The following PDZD2 variants were observed in gnomAD, a reference collection of about 807,000 sequenced individuals.
The protein encoded by PDZD2 is PDZ domain-containing protein 2.
Under a neutral mutation model 220.7 loss-of-function variants are expected in PDZD2, and 90 were observed. The observed-to-expected ratio is 0.41, with a 90% confidence interval of 0.34 to 0.49. The LOEUF is 0.49. Ranked by LOEUF, PDZD2 falls within the 20% of genes least tolerant of loss-of-function variation. The pLI, the probability that PDZD2 is intolerant of heterozygous loss-of-function variation, is 0.28. For missense variants in PDZD2, 3,174 were observed against 3,608.5 expected, an observed-to-expected ratio of 0.88 and a Z score of 3.08; for synonymous variants, 1,375 against 1,450.5, an observed-to-expected ratio of 0.95 and a Z score of 1.18.
chr5:31,919,198 A>G (rs988585896), intron 2 of PDZD2, among the ~76,000 whole-genome samples: 3 of 152,340 alleles, frequency 2.0e-5, no homozygotes, highest in South Asian at 4.1e-4. Flanking sequence ...GATGATCTAA[A>G]GCACTGTCTC....
intron 6 of PDZD2, among the ~76,000 whole-genome samples, chr5:32,011,979 C>T (rs916644744): frequency 2.6e-5 from 4 of 152,284 alleles, no homozygotes; most frequent in South Asian, 2.1e-4. Context: ...TGTGCTGGCA[C>T]GGCAGTTACC....
At chr5:31,801,766 A>C (rs1256791875) in intron 2 of PDZD2, among the ~76,000 whole-genome samples, 3 of 152,188 alleles carry the variant, frequency 2.0e-5, no homozygotes, top group Admixed American at 2.0e-4. Flanking sequence ...TAAATAGTAC[A>C]TATAAAGGGC....
rs1449768633 is a variant in PDZD2 at position 32,041,562 on chromosome 5, CAT to C, written c.1519+4221_1519+4222del. ...ACCCCCAACCCCGTGCTCTCTGAAA[CAT>C]GTGCTGTGTCAACTCAGGGTTAAAT... On this transcript the variant is annotated intron_variant, in intron 7 of 24. Coordinates refer to ENST00000438447, the MANE Select transcript of PDZD2 (RefSeq NM_178140.4). 2.6e-5 allele frequency among the ~76,000 whole-genome samples: 4 copies of C among 152,262 alleles called. No homozygotes were observed. The East Asian group carries it at 5.8e-4, about 22-fold the overall frequency.
Position 31,880,799 on chromosome 5 carries a change from T to C in PDZD2, c.476+81075T>C, listed in dbSNP as rs201317074. 4.8e-3 allele frequency among the ~76,000 whole-genome samples: 211 copies of C among 43,822 alleles called. 1 individual carries two copies. The highest frequency in any genetic ancestry group is 0.012 in the South Asian group (10 of 846). 28.7% of individuals were successfully genotyped at this position (43,822 alleles called of 152,430 possible). ...AGCTTTCTTTTTTTTTTCTTTTTTT[T>C]TTTTTTTTTTTTTTTTTTTGAGATG... On this transcript the variant is annotated intron_variant, in intron 2 of 24. Transcript: ENST00000438447.
intron 1 of PDZD2, among the ~76,000 whole-genome samples, chr5:31,745,671 C>A (rs181920215): frequency 3.3e-5 from 5 of 152,292 alleles, no homozygotes; most frequent in African/African-American, 9.6e-5. Flanking sequence ...ATCTTCCCCT[C>A]TTTGGAGGTG....
At chr5:31,801,204 G>T (rs1375339058) in intron 2 of PDZD2, among the ~76,000 whole-genome samples, 4 of 152,228 alleles carry the variant, frequency 2.6e-5, no homozygotes, top group Non-Finnish European at 5.9e-5. Flanking sequence ...TTATGCAGTA[G>T]ACACTCTCAC....
chr5:32,048,412 T>C (rs971296400), intron 7 of PDZD2, 127 bp from the exon 8 acceptor site: 1 of 703,334 alleles, frequency 1.4e-6, no homozygotes. Flanking sequence ...GTGCTTTGAG[T>C]GTATTGGACG....
chr5:31,949,614 T>A (rs1746992931), intron 2 of PDZD2, among the ~76,000 whole-genome samples: 1 of 151,932 alleles, frequency 6.6e-6, no homozygotes, highest in Non-Finnish European at 1.5e-5. Context: ...TCTTCGGGGT[T>A]AAGCACCTTA....
At chr5:31,896,323 CGTGTGTGTGTGTGT>C (rs35229609) in intron 2 of PDZD2, among the ~76,000 whole-genome samples, 3,164 of 136,462 alleles carry the variant, frequency 0.023, 108 homozygotes, top group African/African-American at 0.079. Context: ...TTGATACTCT[CGTGTGTGTGTGTGT>C]GTGTGTGTGT....
At chr5:31,897,889 A>G (rs1741715498) in intron 2 of PDZD2, among the ~76,000 whole-genome samples, 1 of 152,082 alleles carries the variant, frequency 6.6e-6, no homozygotes, top group East Asian at 1.9e-4. Context: ...GGTGCCTGCC[A>G]TCACATCTGG....
chr5:31,953,357 AGAT>A (rs1747353423), intron 2 of PDZD2, among the ~76,000 whole-genome samples: 1 of 152,234 alleles, frequency 6.6e-6, no homozygotes, highest in African/African-American at 2.4e-5. Flanking sequence ...ACAAAATTCC[AGAT>A]GAGATAAAAA....
intron 2 of PDZD2, among the ~76,000 whole-genome samples, chr5:31,945,654 T>A (rs1169279946): frequency 3.3e-5 from 5 of 151,848 alleles, no homozygotes; most frequent in African/African-American, 4.8e-5. Flanking sequence ...TTCTCTTCCC[T>A]ATGGGAACCC....
At chr5:31,885,978 C>T (rs1237794233) in intron 2 of PDZD2, among the ~76,000 whole-genome samples, 1 of 151,884 alleles carries the variant, frequency 6.6e-6, no homozygotes, top group African/African-American at 2.4e-5. Flanking sequence ...TGGCTCACTG[C>T]AGCCTCTGCC....
chr5:31,970,249 A>G (rs1299379703), intron 2 of PDZD2, among the ~76,000 whole-genome samples: 3 of 152,208 alleles, frequency 2.0e-5, no homozygotes, highest in Non-Finnish European at 4.4e-5. Flanking sequence ...ACAAATGACT[A>G]CTAAGAATTT....
At chr5:31,963,632 C>T (rs915752997) in intron 2 of PDZD2, among the ~76,000 whole-genome samples, 1 of 152,206 alleles carries the variant, frequency 6.6e-6, no homozygotes, top group Admixed American at 6.5e-5. Context: ...ATTCCAGGAC[C>T]TCTGGGATCA....
chr5:31,935,087 C>A (rs200658290), intron 2 of PDZD2, among the ~76,000 whole-genome samples: 95 of 143,500 alleles, frequency 6.6e-4, no homozygotes, highest in African/African-American at 8.5e-4. Context: ...GACCCTGTCT[C>A]AAAAAAAAAA....
At chr5:31,678,924 C>T (rs1315468707) in intron 1 of PDZD2, among the ~76,000 whole-genome samples, 32 of 152,038 alleles carry the variant, frequency 2.1e-4, no homozygotes, top group African/African-American at 6.3e-4. Context: ...CTTTTTTTTC[C>T]CCCCTTTTTA....
rs1757499444 is a variant in PDZD2, at chr5:31,844,749, C to T, written c.476+45025C>T. Among the ~76,000 whole-genome samples the T allele has an allele frequency of 2.0e-5, 3 of 152,214 alleles. No individual in the cohort carries two copies. The South Asian group carries it at 6.2e-4, about 32-fold the overall frequency. ...GAACAGTCTCTGGGATACTATCCAG[C>T]TTCAACTCTCCTTTATAGAAGGCCC... On this transcript the variant is annotated intron_variant, in intron 2 of 24. Transcript: ENST00000438447.
chr5:32,032,429 G>A (rs1171994908), intron 6 of PDZD2, among the ~76,000 whole-genome samples: 1 of 152,050 alleles, frequency 6.6e-6, no homozygotes, highest in Non-Finnish European at 1.5e-5. Flanking sequence ...TCGTTCCTTG[G>A]GCCACTGCTT....
Sources: gnomAD v4.1 joint callset for allele counts (sites outside exome capture counted in the v4.1 genomes callset) on GRCh38, gnomAD v4.1.1 for gene constraint, MANE v1.5 for transcripts, NCBI Gene and HGNC (gene_info 2026-07-23, HGNC 2026-07-21) for gene names.